The following GGA1 variants were observed in gnomAD, a reference collection of about 807,000 sequenced individuals.
GGA1 encodes the protein golgi associated, gamma adaptin ear containing, ARF binding protein 1, also known as ADP-ribosylation factor-binding protein GGA1.
Under a neutral mutation model 76.9 loss-of-function variants are expected in GGA1, and 18 were observed. The ratio of observed to expected loss-of-function variants is 0.23; its 90% CI spans 0.16 to 0.35. The LOEUF (loss-of-function observed/expected upper bound fraction) is 0.35, where lower values mean the gene tolerates loss of function less well. Among genes scored for constraint, GGA1 ranks in the 10% least tolerant of loss-of-function variants. The probability of loss-of-function intolerance (pLI) is 1.00; values close to 1 mark genes in which losing one functional copy is unlikely to be tolerated. For missense variants in GGA1, 755 were observed against 859.0 expected (o/e 0.88, Z 1.51); for synonymous variants, 342 against 354.7 (o/e 0.96, Z 0.40).
At position 37,631,408 on chromosome 22, in the gene GGA1, C is replaced by G. The variant is rs575110440; in HGVS notation, c.1528+309C>G. Among the ~76,000 whole-genome samples, 807 of 152,288 alleles carry G rather than the reference C, an allele frequency of 5.3e-3. 3 individuals carry two copies. The highest frequency in any genetic ancestry group is 0.024 in the Middle Eastern group (7 of 294). Reference sequence around the variant, plus strand: ...ACACAGAGAGGTTTGGGGTCTCCCCCAGATTACAGAACTGAACCATGATAA... The same window carrying G: ...ACACAGAGAGGTTTGGGGTCTCCCCGAGATTACAGAACTGAACCATGATAA... On this transcript the variant is annotated intron_variant, in intron 14 of 16. Transcript: ENST00000343632.
At chr22:37,626,621 A>G (rs1341593575) in intron 11 of GGA1, 3 of 152,288 alleles carry the variant, frequency 2.0e-5, no homozygotes, top group Non-Finnish European at 2.9e-5. Context: ...GGCCACATCA[A>G]AGGAATCCTC....
rs148879603 is a variant in GGA1 at position 37,622,655 on chromosome 22, C to T, written c.610-672C>T. Among the ~76,000 whole-genome samples, 194 of 152,288 alleles carry T rather than the reference C, an allele frequency of 1.3e-3. No individual in the cohort carries two copies. In the Middle Eastern group the frequency reaches 0.034, roughly 27 times the overall value. Reference sequence around the variant, plus strand: ...GTCTGTAACTCCTGGGCTCAATGACCCTCCCATCTCGGCCTCCCAAAGTGC... The same window carrying T: ...GTCTGTAACTCCTGGGCTCAATGACTCTCCCATCTCGGCCTCCCAAAGTGC... On this transcript the variant is annotated intron_variant, in intron 7 of 16. Coordinates refer to ENST00000343632, the MANE Select transcript of GGA1 (RefSeq NM_013365.5).
At chr22:37,629,034 C>T (rs536082436) in intron 11 of GGA1, among the ~76,000 whole-genome samples, 2 of 152,344 alleles carry the variant, frequency 1.3e-5, no homozygotes, top group South Asian at 2.1e-4. Flanking sequence ...CAGCACAGTG[C>T]CTAGCCCACA....
At position 37,632,179 on chromosome 22, in the gene GGA1, C is replaced by T. The variant is rs953600096; in HGVS notation, c.1698+14C>T. On this transcript the variant is annotated intron_variant, in intron 15 of 16. Coordinates refer to ENST00000343632, the MANE Select transcript of GGA1 (RefSeq NM_013365.5). This position sits in a 1 kb window ranked among gnomAD's most constrained non-coding sequence, Gnocchi z 5.1. ...GCTGTCCCCAAGGTGACAAGCCAGTCGGACAGGGCATGCCTCCCTCCTCTC... is the reference window on the plus strand; with the variant it reads ...GCTGTCCCCAAGGTGACAAGCCAGTTGGACAGGGCATGCCTCCCTCCTCTC... 6.2e-6 allele frequency: 10 copies of T among 1,603,282 alleles called. No individual in the cohort carries two copies. The highest frequency in any genetic ancestry group is 4.5e-5 in the East Asian group (2 of 44,646).
chr22:37,630,758 G>A (rs896456613), intron 13 of GGA1, 145 bp from the exon 14 acceptor site: 8 of 622,116 alleles, frequency 1.3e-5, no homozygotes, highest in Admixed American at 3.1e-5. Flanking sequence ...TATACAGACC[G>A]GGTTTCGCCA....
intron 13 of GGA1, 73 bp downstream of exon 13, chr22:37,630,243 CTTGT>C: frequency 8.7e-7 from 1 of 1,145,974 alleles, no homozygotes; most frequent in Non-Finnish European, 1.2e-6. Context: ...TTCTCCTGGG[CTTGT>C]CCAGGCCCAG....
intron 1 of GGA1, 148 bp downstream of exon 1, chr22:37,609,051 C>G (rs13053965): frequency 0.035 from 51,266 of 1,477,452 alleles, 3,010 homozygotes; most frequent in African/African-American, 0.23. Context: ...GTCGGCCCCT[C>G]AGACCCTGGA....
intron 2 of GGA1, 58 bp downstream of exon 2, chr22:37,614,332 G>A (rs951390861): frequency 2.5e-5 from 30 of 1,216,678 alleles, no homozygotes; most frequent in Admixed American, 1.7e-5. Context: ...CCCAGTCTCG[G>A]GTACAATGGC....
chr22:37,622,884 C>A (rs1361992121), intron 7 of GGA1, among the ~76,000 whole-genome samples: 1 of 152,252 alleles, frequency 6.6e-6, no homozygotes, highest in Admixed American at 6.5e-5. Flanking sequence ...CAGGCACCGA[C>A]AGACACTGGA....
At chr22:37,609,257 G>T (rs1569193475) in intron 1 of GGA1, 1 of 1,160,430 alleles carries the variant, frequency 8.6e-7, no homozygotes. Flanking sequence ...CACGCGAGCG[G>T]TTCCCCGGGG....
Position 37,625,754 on chromosome 22 carries a change from C to A in GGA1, c.941-43C>A. On this transcript the variant is annotated intron_variant, in intron 10 of 16. Transcript: ENST00000343632. This position sits in a 1 kb window ranked among gnomAD's most constrained non-coding sequence, Gnocchi z 4.1. ...CAACCCCTGTGGACTCTGAGAGACACGTGTACACCCAGGACTTGCCAGCCT... is the reference window on the plus strand; with the variant it reads ...CAACCCCTGTGGACTCTGAGAGACAAGTGTACACCCAGGACTTGCCAGCCT... 1 of 1,487,360 alleles carries A rather than the reference C, an allele frequency of 6.7e-7. No individual in the cohort carries two copies. Among genetic ancestry groups the A allele is most frequent in the Admixed American group, 2.0e-5 (1 of 49,040 alleles). The allele number at this position is 1,487,360 out of a possible 1,614,324, so 92.1% of individuals were successfully genotyped here.
chr22:37,613,872 A>C (rs1928231797), intron 1 of GGA1: 1 of 314,922 alleles, frequency 3.2e-6, no homozygotes, highest in Admixed American at 4.2e-5. Context: ...TTATGGAGAC[A>C]CTGTTCTCAG....
intron 6 of GGA1, among the ~76,000 whole-genome samples, chr22:37,621,265 G>T (rs898969108): frequency 7.9e-5 from 12 of 152,186 alleles, no homozygotes; most frequent in Non-Finnish European, 1.8e-4. Context: ...AAAATAAAGA[G>T]GTTAAAGTAA....
intron 1 of GGA1, 191 bp from the exon 2 acceptor site, chr22:37,613,999 C>T: frequency 1.8e-6 from 1 of 567,164 alleles, no homozygotes; most frequent in African/African-American, 1.9e-5. Context: ...TGGAGGGCAG[C>T]TGTGCTCATC....
At chr22:37,631,352 C>A (rs929413643) in intron 14 of GGA1, among the ~76,000 whole-genome samples, 1 of 152,102 alleles carries the variant, frequency 6.6e-6, no homozygotes, top group Non-Finnish European at 1.5e-5. Context: ...GGCTCTGGGC[C>A]CCTTCCATCC....
In GGA1 at chr22:37,625,377, C is replaced by G. The variant is rs1930634936; in HGVS notation, c.940+301C>G. 6.6e-6 allele frequency among the ~76,000 whole-genome samples: 1 copy of G among 151,958 alleles called. No individual in the cohort carries two copies. Among genetic ancestry groups the G allele is most frequent in the African/African-American group, 2.4e-5 (1 of 41,350 alleles). On this transcript the variant is annotated intron_variant, in intron 10 of 16. Coordinates refer to ENST00000343632, the MANE Select transcript of GGA1 (RefSeq NM_013365.5). The surrounding 1 kb of genome is among the most constrained non-coding windows in gnomAD (Gnocchi z 4.1). ...ATAGGGCTAGATGACACCCCAGAGGCTTTATGTATCAGAAAATGCGAGGGG... is the reference window on the plus strand; with the variant it reads ...ATAGGGCTAGATGACACCCCAGAGGGTTTATGTATCAGAAAATGCGAGGGG...
chr22:37,629,530 G>C lies in GGA1; in HGVS notation c.1158+4G>C, dbSNP rs369094365. The C allele has an allele frequency of 7.0e-6, 11 of 1,564,222 alleles. No homozygotes were observed. The South Asian group carries it at 1.3e-4, about 18-fold the overall frequency. ...TACCGGATGGAACAGCTTCCAGGTA[G>C]GAGGGGACCACAAACTAGTCTGGCC... is the stretch of plus-strand genomic sequence containing the variant. On this transcript the variant is annotated splice_donor_region_variant and intron_variant, in intron 12 of 16. Coordinates refer to ENST00000343632, the MANE Select transcript of GGA1 (RefSeq NM_013365.5).
In GGA1 at chr22:37,623,741, CA is replaced by C. The variant is rs2145954004; in HGVS notation, c.832+109del. 3.7e-6 allele frequency: 3 copies of C among 802,364 alleles called. No individual in the cohort carries two copies. The highest frequency in any genetic ancestry group is 2.3e-5 in the Admixed American group (1 of 43,620). The allele number at this position is 802,364 out of a possible 1,614,324, so 49.7% of individuals were successfully genotyped here. A position where few individuals can be genotyped will look rare whatever the true frequency, so the allele number is the denominator to read the frequency against. ...ATCTGCAGTTGGAAGGAGCCACCAC[CA>C]GGGGGCCCCCTTCTCCAGCACCGAC... On this transcript the variant is annotated intron_variant, in intron 9 of 16. Transcript: ENST00000343632. This position sits in a 1 kb window ranked among gnomAD's most constrained non-coding sequence, Gnocchi z 4.6.
In GGA1 at chr22:37,630,918, A is replaced by C. The variant is rs986468138; in HGVS notation, c.1347A>C (p.Pro449=). 2 of 1,611,098 alleles carry C rather than the reference A, an allele frequency of 1.2e-6. No individual in the cohort carries two copies. Among genetic ancestry groups the C allele is most frequent in the Non-Finnish European group, 8.5e-7 (1 of 1,179,024 alleles). The change falls in exon 14 of 17, where the codon CCA becomes CCC. Residue 449 remains proline (P), a synonymous_variant. Transcript: ENST00000343632. The part of the protein sequence containing the change: ...SQQVRWEKQQ[P]TPRLTLRDLQ... Reference sequence around the variant, plus strand: ...CCCGATTAAGGGAGAAGCAGCAGCCAACCCCCCGGCTCACACTCCGGGACC... The same window carrying C: ...CCCGATTAAGGGAGAAGCAGCAGCCCACCCCCCGGCTCACACTCCGGGACC...
Sources: allele counts gnomAD v4.1 joint callset (sites outside exome capture counted in the v4.1 genomes callset), GRCh38; gene constraint gnomAD v4.1.1; non-coding constraint Gnocchi (gnomAD v3.1); transcripts MANE v1.5; gene names NCBI Gene and HGNC (gene_info 2026-07-23, HGNC 2026-07-21).